C12orf56: variants seen among roughly 807,000 people sequenced by gnomAD.
C12orf56 encodes the protein uncharacterized protein C12orf56.
Under a neutral mutation model 69.9 loss-of-function variants are expected in C12orf56, and 71 were observed. The observed-to-expected ratio is 1.02, with a 90% CI of 0.84 to 1.24. The LOEUF is 1.24. C12orf56 is among the 50% of genes most tolerant of loss of function. The probability of loss-of-function intolerance (pLI) is 0.00; values close to 1 mark genes in which losing one functional copy is unlikely to be tolerated. For missense variants in C12orf56, 732 were observed against 738.5 expected, an observed-to-expected ratio of 0.99 and a Z score of 0.10; for synonymous variants, 276 against 274.1, an observed-to-expected ratio of 1.01 and a Z score of -0.07.
chr12:64,271,180 A>G (rs2037985632), intron 11 of C12orf56, among the ~76,000 whole-genome samples: 1 of 150,506 alleles, frequency 6.6e-6, no homozygotes, highest in Non-Finnish European at 1.5e-5. Flanking sequence ...AAAGTATAAG[A>G]GGCCAGGTCG....
chr12:64,315,956 A>C (rs1367654704), intron 4 of C12orf56, among the ~76,000 whole-genome samples: 1 of 150,826 alleles, frequency 6.6e-6, no homozygotes, highest in Non-Finnish European at 1.5e-5. Flanking sequence ...AAAAGTGTTT[A>C]TATTGAACTA....
At chr12:64,284,836 A>G (rs1206854837) in intron 7 of C12orf56, 83 bp from the exon 8 acceptor site, 1 of 1,010,386 alleles carries the variant, frequency 9.9e-7, no homozygotes, top group Non-Finnish European at 1.4e-6. Flanking sequence ...AATTTTTGCT[A>G]AAACTGCTTC....
At chr12:64,318,417 A>T (rs913415675) in intron 4 of C12orf56, among the ~76,000 whole-genome samples, 158 bp downstream of exon 4, 1 of 152,156 alleles carries the variant, frequency 6.6e-6, no homozygotes, top group Non-Finnish European at 1.5e-5. Context: ...AAATAAAATC[A>T]TCTCCTTAAT....
intron 9 of C12orf56, 30 bp downstream of exon 9, chr12:64,277,650 A>AT (rs1555185573): frequency 7.9e-6 from 11 of 1,393,446 alleles, no homozygotes; most frequent in Non-Finnish European, 1.0e-5. Context: ...ATATATATAT[A>AT]ATAGTTTACC....
At chr12:64,276,945 G>A (rs1461876933) in intron 9 of C12orf56, among the ~76,000 whole-genome samples, 1 of 132,350 alleles carries the variant, frequency 7.6e-6, no homozygotes, top group Non-Finnish European at 1.5e-5. Context: ...AGTGAGCCGA[G>A]ATTGTGCCAC....
At chr12:64,270,875 G>A (rs929855864) in intron 11 of C12orf56, among the ~76,000 whole-genome samples, 161 bp from the exon 12 acceptor site, 2 of 152,142 alleles carry the variant, frequency 1.3e-5, no homozygotes, top group African/African-American at 2.4e-5. Flanking sequence ...CAAATAAAAA[G>A]TATAGGAGGA....
chr12:64,330,569 T>C (rs1165558753), intron 3 of C12orf56, among the ~76,000 whole-genome samples: 1 of 152,228 alleles, frequency 6.6e-6, no homozygotes, highest in African/African-American at 2.4e-5. Flanking sequence ...TCTTAATTTG[T>C]GCAAATGCTG....
At chr12:64,327,060 C>A (rs1260402529) in intron 3 of C12orf56, among the ~76,000 whole-genome samples, 1 of 152,216 alleles carries the variant, frequency 6.6e-6, no homozygotes. Context: ...CTTGCATGCC[C>A]AGTGCTCTTG....
chr12:64,331,613 GAGTGCCCT>G (rs2038931099), intron 2 of C12orf56, among the ~76,000 whole-genome samples: 1 of 152,170 alleles, frequency 6.6e-6, no homozygotes. Context: ...AGGTTGACGG[GAGTGCCCT>G]AGTCCCACTG....
chr12:64,318,744 T>G lies in C12orf56; in HGVS notation c.725A>C (p.Lys242Thr). 6.5e-7 allele frequency: 1 copy of G among 1,530,328 alleles called. No individual in the cohort carries two copies. Among genetic ancestry groups the G allele is most frequent in the Non-Finnish European group, 8.7e-7 (1 of 1,145,474 alleles). The allele number at this position is 1,530,328 out of a possible 1,614,324, so 94.8% of individuals were successfully genotyped here. A position where few individuals can be genotyped will look rare whatever the true frequency, so the allele number is the denominator to read the frequency against. ...AAACTCATTTCCATTCCCATTGCAC[T>G]TGAAAGGAATTTCACTTATGGAGTT... ...DHNSISEIPF[K>T]CNGNGNEFYL... Residue 242 changes from lysine to threonine, a missense_variant, in exon 4 of 13, where the codon AAG (lysine) becomes ACG (threonine). Coordinates refer to ENST00000543942, the MANE Select transcript of C12orf56 (RefSeq NM_001170633.2).
intron 8 of C12orf56, 87 bp from the exon 9 acceptor site, chr12:64,277,890 T>A: frequency 8.9e-7 from 1 of 1,122,910 alleles, no homozygotes; most frequent in Non-Finnish European, 1.2e-6. Flanking sequence ...TGGATATAAT[T>A]ATGTTTAAAA....
chr12:64,369,263 T>G (rs1413462094), intron 1 of C12orf56, among the ~76,000 whole-genome samples: 1 of 152,056 alleles, frequency 6.6e-6, no homozygotes, highest in Non-Finnish European at 1.5e-5. Flanking sequence ...AGTGGCACAA[T>G]CTTGGCTCAC....
intron 1 of C12orf56, among the ~76,000 whole-genome samples, chr12:64,379,159 T>C (rs2039678994): frequency 6.6e-6 from 1 of 152,206 alleles, no homozygotes. Context: ...ATTGAGACTT[T>C]GGGGCTATTT....
chr12:64,381,139 G>A (rs1183377222), intron 1 of C12orf56, among the ~76,000 whole-genome samples: 1 of 152,082 alleles, frequency 6.6e-6, no homozygotes, highest in Non-Finnish European at 1.5e-5. Context: ...TTGGGTGGGG[G>A]CAGTGAGTCA....
intron 2 of C12orf56, 118 bp downstream of exon 2, chr12:64,352,776 G>T: frequency 1.1e-6 from 1 of 914,652 alleles, no homozygotes; most frequent in Non-Finnish European, 1.5e-6. Flanking sequence ...CTGGCTGCGT[G>T]ATAGGAACCT....
At position 64,308,980 on chromosome 12, in the gene C12orf56, G is replaced by GAAAGAGAAAGAAAGA. The variant is rs2038570164; in HGVS notation, c.968+3698_968+3699insTCTTTCTTTCTCTTT. On this transcript the variant is annotated intron_variant, in intron 5 of 12. Transcript: ENST00000543942. ...GAAAGAAAGAAAGAAAGAAAAGAAA[G>GAAAGAGAAAGAAAGA]AAAGAAAAGAAAGAAGGAAAGAAAG... 2.4e-3 allele frequency among the ~76,000 whole-genome samples: 288 copies of GAAAGAGAAAGAAAGA among 121,682 alleles called. 9 individuals are homozygous for GAAAGAGAAAGAAAGA. Among genetic ancestry groups the GAAAGAGAAAGAAAGA allele is most frequent in the African/African-American group, 7.8e-3 (271 of 34,548 alleles). 79.8% of individuals were successfully genotyped at this position (121,682 alleles called of 152,430 possible). A position where few individuals can be genotyped will look rare whatever the true frequency, so the allele number is the denominator to read the frequency against.
chr12:64,347,960 G>A (rs1405959969), intron 2 of C12orf56, among the ~76,000 whole-genome samples: 1 of 152,164 alleles, frequency 6.6e-6, no homozygotes, highest in Non-Finnish European at 1.5e-5. Flanking sequence ...AATTCTGTGT[G>A]TGAACAGATT....
At chr12:64,342,850 A>G (rs1267742878) in intron 2 of C12orf56, among the ~76,000 whole-genome samples, 1 of 152,150 alleles carries the variant, frequency 6.6e-6, no homozygotes, top group Non-Finnish European at 1.5e-5. Context: ...TAATTCACCT[A>G]TGGGGGCCTC....
intron 1 of C12orf56, among the ~76,000 whole-genome samples, chr12:64,358,530 A>C (rs2039354931): frequency 8.3e-6 from 1 of 121,016 alleles, no homozygotes; most frequent in Non-Finnish European, 1.9e-5. Context: ...ATGATGGCTC[A>C]AGCCTGTGAT....
Sources: allele counts gnomAD v4.1 joint callset (sites outside exome capture counted in the v4.1 genomes callset), GRCh38; gene constraint gnomAD v4.1.1; transcripts MANE v1.5; gene names NCBI Gene and HGNC (gene_info 2026-07-23, HGNC 2026-07-21).